PARD3B: variants seen among roughly 807,000 people sequenced by gnomAD.
The protein encoded by PARD3B is partitioning defective 3 homolog B.
PARD3B carries 103 observed loss-of-function variants against 130.2 expected under a neutral mutation model. That is an observed-to-expected ratio of 0.79 (90% CI 0.67 to 0.93). The LOEUF (loss-of-function observed/expected upper bound fraction) is 0.93. Ranked by LOEUF, PARD3B falls within the 40% of genes least tolerant of loss-of-function variation. The probability of loss-of-function intolerance (pLI) is 0.00; values close to 1 mark genes in which losing one functional copy is unlikely to be tolerated. For synonymous variants in PARD3B, 583 were observed against 553.2 expected, an observed-to-expected ratio of 1.05 and a Z score of -0.76; for missense variants, 1,609 against 1,499.2, an observed-to-expected ratio of 1.07 and a Z score of -1.21.
In PARD3B at chr2:205,615,544, C is replaced by T. The variant is rs746353218; in HGVS notation, c.3349C>T (p.His1117Tyr). ...ERELPYYPGA[H>Y]PMHPPKGSYP... ...GGAGCTTCCCTATTATCCAGGGGCT[C>T]ATCCTATGCACCCTCCCAAAGGGAG... The change falls in exon 23 of 23, where the codon CAT (histidine) becomes TAT (tyrosine). Residue 1117 changes from histidine (H) to tyrosine (Y), a missense_variant. His to Tyr is a moderately conservative substitution (Grantham distance 83, BLOSUM62 2). Transcript: ENST00000406610. 10 of 1,614,062 alleles carry T rather than the reference C, an allele frequency of 6.2e-6. No homozygotes were observed. The highest frequency in any genetic ancestry group is 2.2e-5 in the South Asian group (2 of 91,076).
At chr2:205,475,949 G>T (rs2049007498) in intron 20 of PARD3B, among the ~76,000 whole-genome samples, 1 of 152,096 alleles carries the variant, frequency 6.6e-6, no homozygotes, top group Admixed American at 6.6e-5. Context: ...CTGTGATTTG[G>T]TCATATTCCA....
chr2:204,557,554 G>A (rs2031011043), intron 1 of PARD3B, among the ~76,000 whole-genome samples: 1 of 152,090 alleles, frequency 6.6e-6, no homozygotes, highest in African/African-American at 2.4e-5. Context: ...GATATATAGT[G>A]TAGATACTAT....
At chr2:205,130,358 C>A (rs564970906) in intron 10 of PARD3B, among the ~76,000 whole-genome samples, 1 of 152,266 alleles carries the variant, frequency 6.6e-6, no homozygotes, top group East Asian at 1.9e-4. Context: ...CCTACAAATT[C>A]TTTTCTGTCT....
intron 2 of PARD3B, among the ~76,000 whole-genome samples, chr2:204,826,429 T>C (rs2043576203): frequency 6.6e-6 from 1 of 152,184 alleles, no homozygotes; most frequent in South Asian, 2.1e-4. Flanking sequence ...TTTAATTCTA[T>C]TCAGTAGGGC....
chr2:205,204,239 C>G (rs974767134), intron 15 of PARD3B, among the ~76,000 whole-genome samples: 2 of 152,196 alleles, frequency 1.3e-5, no homozygotes, highest in Non-Finnish European at 2.9e-5. Context: ...TTGTTGGCTG[C>G]ATAAATGTCT....
intron 2 of PARD3B, among the ~76,000 whole-genome samples, chr2:204,937,273 CTT>C (rs1299941925): frequency 1.3e-5 from 2 of 152,200 alleles, no homozygotes; most frequent in Non-Finnish European, 2.9e-5. Context: ...CTTCCCAACT[CTT>C]TTTAATTTTA....
chr2:204,589,992 T>A (rs1188236449), intron 1 of PARD3B, among the ~76,000 whole-genome samples: 1 of 152,178 alleles, frequency 6.6e-6, no homozygotes, highest in African/African-American at 2.4e-5. Flanking sequence ...CTTCCTCCCT[T>A]GATATTTCCC....
intron 15 of PARD3B, among the ~76,000 whole-genome samples, chr2:205,233,806 T>G (rs961435108): frequency 6.6e-6 from 1 of 152,120 alleles, no homozygotes; most frequent in Non-Finnish European, 1.5e-5. Context: ...CTGTTGAAAA[T>G]CTAATGTAAG....
chr2:205,111,123 A>G (rs924878314), intron 5 of PARD3B, among the ~76,000 whole-genome samples: 1 of 152,168 alleles, frequency 6.6e-6, no homozygotes, highest in Non-Finnish European at 1.5e-5. Context: ...TATAAAGAAC[A>G]TGATGAGACA....
chr2:204,728,709 C>T (rs1559094355), intron 2 of PARD3B, among the ~76,000 whole-genome samples: 1 of 152,160 alleles, frequency 6.6e-6, no homozygotes, highest in African/African-American at 2.4e-5. Context: ...CATTTTAAAA[C>T]AGTGAGTTGC....
chr2:205,019,843 G>A (rs1170288584), intron 3 of PARD3B, among the ~76,000 whole-genome samples: 1 of 152,160 alleles, frequency 6.6e-6, no homozygotes, highest in Non-Finnish European at 1.5e-5. Context: ...GTCAAAGTTG[G>A]TTAGAGAACT....
chr2:205,566,510 T>C (rs1212384945), intron 22 of PARD3B, among the ~76,000 whole-genome samples: 4 of 152,154 alleles, frequency 2.6e-5, no homozygotes, highest in Middle Eastern at 3.4e-3. Context: ...GCAGCATGGG[T>C]GCTGGTCCCA....
chr2:204,595,294 C>T (rs1346389492), intron 1 of PARD3B, among the ~76,000 whole-genome samples: 1 of 152,240 alleles, frequency 6.6e-6, no homozygotes, highest in Admixed American at 6.5e-5. Context: ...GGAAACACTT[C>T]TCTGTCTAAA....
At position 205,073,626 on chromosome 2, in the gene PARD3B, A is replaced by G. The variant is rs141457719; in HGVS notation, c.504+25936A>G. On this transcript the variant is annotated intron_variant, in intron 4 of 22. Transcript: ENST00000406610. ...AGACTCTTTCTGTTTTCTTTGTACA[A>G]AGTAGGATAAACTTGTTTTTAGACC... Among the ~76,000 whole-genome samples the G allele has an allele frequency of 7.7e-3, 1,177 of 152,282 alleles. 9 individuals carry two copies. The highest frequency in any genetic ancestry group is 0.026 in the African/African-American group (1,080 of 41,562).
chr2:204,581,341 T>C (rs1559167823), intron 1 of PARD3B, among the ~76,000 whole-genome samples: 1 of 152,242 alleles, frequency 6.6e-6, no homozygotes, highest in Non-Finnish European at 1.5e-5. Flanking sequence ...TTTTTCTACC[T>C]TCTTTCTTTT....
At chr2:204,614,425 A>C (rs1017911345) in intron 1 of PARD3B, among the ~76,000 whole-genome samples, 1 of 152,164 alleles carries the variant, frequency 6.6e-6, no homozygotes, top group Non-Finnish European at 1.5e-5. Context: ...AGTCACCACC[A>C]TGTGGACAGC....
At position 205,615,902 on chromosome 2, in the gene PARD3B, A is replaced by G; in HGVS notation, c.*89A>G. 9.0e-7 allele frequency: 1 copy of G among 1,115,720 alleles called. No homozygotes were observed. The highest frequency in any genetic ancestry group is 1.5e-5 in the South Asian group (1 of 65,890). 69.1% of individuals were successfully genotyped at this position (1,115,720 alleles called of 1,614,324 possible). On this transcript the variant is annotated 3_prime_UTR_variant, in exon 23 of 23. Transcript: ENST00000406610. ...TAAACCTGAAGACCTCCTTGGTGTT[A>G]GGAATTCTCCATGTTACTGATAAGC... is the stretch of plus-strand genomic sequence containing the variant.
chr2:205,557,667 G>A (rs968634054), intron 22 of PARD3B, among the ~76,000 whole-genome samples: 2 of 152,142 alleles, frequency 1.3e-5, no homozygotes, highest in Non-Finnish European at 2.9e-5. Flanking sequence ...GCCGGTATGA[G>A]TATTAAATAC....
Position 204,785,974 on chromosome 2 carries a change from C to G in PARD3B, c.222+99692C>G, listed in dbSNP as rs1348593078. Among the ~76,000 whole-genome samples the G allele has an allele frequency of 2.0e-5, 3 of 151,810 alleles. No homozygotes were observed. The East Asian group carries it at 5.8e-4, about 30-fold the overall frequency. On this transcript the variant is annotated intron_variant, in intron 2 of 22. Transcript: ENST00000406610. ...CTAAAAATACAAAAAAATAGCTGGG[C>G]GTAGGGGTGGGTGCCTGTAATCCCA... is the stretch of plus-strand genomic sequence containing the variant.
Sources: allele counts gnomAD v4.1 joint callset (sites outside exome capture counted in the v4.1 genomes callset), GRCh38; gene constraint gnomAD v4.1.1; transcripts MANE v1.5; gene names NCBI Gene and HGNC (gene_info 2026-07-23, HGNC 2026-07-21).